The following TNKS variants were observed in gnomAD, a reference collection of about 807,000 sequenced individuals.
TNKS encodes the protein tankyrase, also known as poly [ADP-ribose] polymerase tankyrase-1.
Under a neutral mutation model 135.8 loss-of-function variants are expected in TNKS, and 72 were observed. The observed-to-expected ratio is 0.53, with a 90% CI of 0.44 to 0.64. The LOEUF is 0.64. Ranked by LOEUF, TNKS falls within the 30% of genes least tolerant of loss-of-function variation. The probability of loss-of-function intolerance (pLI) is 0.00; values close to 1 mark genes in which losing one functional copy is unlikely to be tolerated. For synonymous variants in TNKS, 849 were observed against 649.3 expected, an observed-to-expected ratio of 1.31 and a Z score of -4.68; for missense variants, 1,769 against 1,674.0, an observed-to-expected ratio of 1.06 and a Z score of -0.99.
At chr8:9,688,003 G>A (rs1803087435) in intron 5 of TNKS, among the ~76,000 whole-genome samples, 2 of 152,192 alleles carry the variant, frequency 1.3e-5, no homozygotes, top group South Asian at 4.1e-4. Flanking sequence ...GAGGGGCAAA[G>A]GAAAAAGAGC....
chr8:9,720,653 C>A (rs1804829603), intron 12 of TNKS, 108 bp downstream of exon 12: 9 of 1,287,298 alleles, frequency 7.0e-6, no homozygotes, highest in Middle Eastern at 2.8e-4. Context: ...TTTCTCATGT[C>A]TTTTCTTGCA....
chr8:9,654,741 A>G (rs2128783167), intron 3 of TNKS, among the ~76,000 whole-genome samples: 1 of 152,326 alleles, frequency 6.6e-6, no homozygotes, highest in Non-Finnish European at 1.5e-5. Context: ...TGTAGGGAAT[A>G]CCTTAAAAAG....
chr8:9,715,575 A>G (rs192920466), intron 11 of TNKS, among the ~76,000 whole-genome samples: 6 of 152,256 alleles, frequency 3.9e-5, no homozygotes, highest in Admixed American at 2.6e-4. Flanking sequence ...CAAATTCAAC[A>G]AAACAGTGAA....
chr8:9,719,666 G>C (rs1354437904), intron 11 of TNKS, among the ~76,000 whole-genome samples: 3 of 152,120 alleles, frequency 2.0e-5, no homozygotes, highest in Non-Finnish European at 4.4e-5. Context: ...ACGTGGACTT[G>C]GGTCTGACTG....
chr8:9,753,542 C>G (rs983656085), intron 20 of TNKS, among the ~76,000 whole-genome samples: 3 of 152,120 alleles, frequency 2.0e-5, no homozygotes, highest in African/African-American at 2.4e-5. Flanking sequence ...TGTTTTCATA[C>G]AGGATAAGGA....
intron 20 of TNKS, among the ~76,000 whole-genome samples, chr8:9,759,897 C>T (rs1485277102): frequency 6.6e-6 from 1 of 151,994 alleles, no homozygotes; most frequent in African/African-American, 2.4e-5. Flanking sequence ...ATGGCGTGAA[C>T]CCAGGAGGCG....
chr8:9,653,352 A>T (rs1362811402), intron 3 of TNKS, among the ~76,000 whole-genome samples: 4 of 152,060 alleles, frequency 2.6e-5, no homozygotes, highest in African/African-American at 9.7e-5. Context: ...ACATTGTCTT[A>T]TTCTGCCTTC....
At chr8:9,566,080 C>T (rs1259857724) in intron 1 of TNKS, among the ~76,000 whole-genome samples, 1 of 152,148 alleles carries the variant, frequency 6.6e-6, no homozygotes, top group Non-Finnish European at 1.5e-5. Context: ...TTGACATTCT[C>T]ATCAGTCATG....
chr8:9,569,026 TA>T (rs1797660584), intron 1 of TNKS, among the ~76,000 whole-genome samples: 1 of 152,202 alleles, frequency 6.6e-6, no homozygotes, highest in Non-Finnish European at 1.5e-5. Context: ...TACTTTGTAA[TA>T]AAAATAATAA....
chr8:9,659,207 G>A (rs987187460), intron 3 of TNKS, among the ~76,000 whole-genome samples: 1 of 152,110 alleles, frequency 6.6e-6, no homozygotes, highest in Non-Finnish European at 1.5e-5. Context: ...ATATCCAGGA[G>A]TTGAACTCCG....
At chr8:9,734,579 T>G (rs1246412915) in intron 15 of TNKS, among the ~76,000 whole-genome samples, 1 of 152,152 alleles carries the variant, frequency 6.6e-6, no homozygotes, top group Admixed American at 6.5e-5. Flanking sequence ...AAAGACAACT[T>G]GGAGTCTGAG....
chr8:9,588,761 G>C (rs1240219403), intron 2 of TNKS, among the ~76,000 whole-genome samples: 1 of 152,132 alleles, frequency 6.6e-6, no homozygotes, highest in Admixed American at 6.5e-5. Context: ...GAAACACGTG[G>C]CCATTTATAA....
intron 5 of TNKS, among the ~76,000 whole-genome samples, chr8:9,701,212 C>G (rs1191625375): frequency 2.0e-5 from 3 of 152,206 alleles, no homozygotes; most frequent in Non-Finnish European, 2.9e-5. Flanking sequence ...GCTGGGATTA[C>G]AGGCGTGAGC....
chr8:9,681,472 T>G (rs1485306700), intron 5 of TNKS, among the ~76,000 whole-genome samples: 4 of 152,100 alleles, frequency 2.6e-5, no homozygotes. Context: ...ATGGCTTTGG[T>G]AATTGCAGAG....
intron 2 of TNKS, among the ~76,000 whole-genome samples, chr8:9,581,345 GC>G (rs1424080678): frequency 6.6e-6 from 1 of 151,938 alleles, no homozygotes; most frequent in East Asian, 1.9e-4. Context: ...ATTATCCTTT[GC>G]TACTTGAGCA....
intron 3 of TNKS, among the ~76,000 whole-genome samples, chr8:9,646,688 G>C (rs1394021803): frequency 6.6e-6 from 1 of 152,132 alleles, no homozygotes; most frequent in Non-Finnish European, 1.5e-5. Context: ...TACAGTGCAT[G>C]GATATTTCAG....
At chr8:9,637,296 TGACGATACA>T (rs892095717) in intron 3 of TNKS, among the ~76,000 whole-genome samples, 3 of 152,220 alleles carry the variant, frequency 2.0e-5, no homozygotes, top group African/African-American at 7.2e-5. Context: ...TTTTTCTTTC[TGACGATACA>T]GACTGGTTCT....
At position 9,668,940 on chromosome 8, in the gene TNKS, C is replaced by G. The variant is rs186313363; in HGVS notation, c.995-11011C>G. ...TGTAAGACAGGTATGGGGACTCATACATTTATACTATTTTGATTATTATTA... is the reference window on the plus strand; with the variant it reads ...TGTAAGACAGGTATGGGGACTCATAGATTTATACTATTTTGATTATTATTA... On this transcript the variant is annotated intron_variant, in intron 3 of 26. Coordinates refer to ENST00000310430, the MANE Select transcript of TNKS (RefSeq NM_003747.3). Among the ~76,000 whole-genome samples, 184 of 152,030 alleles carry G rather than the reference C, an allele frequency of 1.2e-3. 1 individual carries two copies. Among genetic ancestry groups the G allele is most frequent in the Admixed American group, 2.7e-3 (42 of 15,276 alleles).
chr8:9,708,129 A>G (rs777332544), intron 8 of TNKS, among the ~76,000 whole-genome samples: 2 of 152,158 alleles, frequency 1.3e-5, no homozygotes, highest in South Asian at 4.1e-4. Context: ...TGCAATAAGT[A>G]TCTTTATAGG....
Sources: gnomAD v4.1 joint callset for allele counts (sites outside exome capture counted in the v4.1 genomes callset) on GRCh38, gnomAD v4.1.1 for gene constraint, MANE v1.5 for transcripts, NCBI Gene and HGNC (gene_info 2026-07-23, HGNC 2026-07-21) for gene names.